PLXNA1: variants seen among roughly 807,000 people sequenced by gnomAD.
The protein encoded by PLXNA1 is plexin-A1.
Under a neutral mutation model 191.7 loss-of-function variants are expected in PLXNA1, and 77 were observed. The observed-to-expected ratio is 0.40, with a 90% CI of 0.33 to 0.49. PLXNA1 has a LOEUF of 0.49. PLXNA1 is among the 20% of genes least tolerant of loss of function. PLXNA1 has a pLI of 0.63. For synonymous variants in PLXNA1, 1,137 were observed against 1,156.4 expected (o/e 0.98, Z 0.34); for missense variants, 2,110 against 2,660.2 (o/e 0.79, Z 4.55).
chr3:127,029,886 G>A lies in PLXNA1; in HGVS notation c.4883G>A (p.Arg1628His), dbSNP rs1265186462. ...CCTGGTGCTGCAGAGAGCATGCTGCGCACGGCCAGCAGCCCCGACAGCCTG... is the reference window on the plus strand; with the variant it reads ...CCTGGTGCTGCAGAGAGCATGCTGCACACGGCCAGCAGCCCCGACAGCCTG... ...KSLSRYESML[R>H]TASSPDSLRS... is the part of the protein sequence containing the mutation. The change falls in exon 28 of 32, where the codon CGC (arginine) becomes CAC (histidine). Residue 1628 changes from arginine to histidine, a missense_variant. By Grantham distance (29) the Arg-to-His change is conservative. Transcript: ENST00000393409. The A allele has an allele frequency of 6.8e-6, 11 of 1,609,452 alleles. No homozygotes were observed. Among genetic ancestry groups the A allele is most frequent in the Middle Eastern group, 1.7e-4 (1 of 6,018 alleles).
At chr3:126,997,708 G>A (rs2079020824) in intron 3 of PLXNA1, among the ~76,000 whole-genome samples, 1 of 152,270 alleles carries the variant, frequency 6.6e-6, no homozygotes, top group South Asian at 2.1e-4. Context: ...TGTTTGCCCT[G>A]TGGGCATGAT....
In PLXNA1 at chr3:127,033,961, C is replaced by G. The variant is rs754288921; in HGVS notation, c.5635C>G (p.Gln1879Glu). 2 of 1,606,088 alleles carry G rather than the reference C, an allele frequency of 1.2e-6. No individual in the cohort carries two copies. Among genetic ancestry groups the G allele is most frequent in the South Asian group, 2.2e-5 (2 of 89,076 alleles). The stretch of plus-strand genomic sequence containing the variant: ...GGAGAAGGATGAGCAGGCGCGGCGG[C>G]AGCGGCTGCGGAGCAAGCTGGAGCA... ...ALEKDEQARR[Q>E]RLRSKLEQVV... The change falls in exon 32 of 32, where the codon CAG becomes GAG. Residue 1879 changes from glutamine (Q) to glutamate (E), a missense_variant. Around this residue, in one of 4 missense-constraint regions of PLXNA1, gnomAD observed 559 missense variants for 911.5 expected, o/e 0.61. Coordinates refer to ENST00000393409, the MANE Select transcript of PLXNA1 (RefSeq NM_032242.4).
intron 26 of PLXNA1, 108 bp from the exon 27 acceptor site, chr3:127,029,332 T>G: frequency 9.3e-7 from 1 of 1,071,424 alleles, no homozygotes; most frequent in South Asian, 1.3e-5. Flanking sequence ...GGTGGCTGCC[T>G]CCAGGCACAG....
chr3:126,989,692 GAGA>G lies in PLXNA1; in HGVS notation c.1103_1105del (p.Lys368del). 4 of 1,613,146 alleles carry G rather than the reference GAGA, an allele frequency of 2.5e-6. No homozygotes were observed. The highest frequency in any genetic ancestry group is 3.4e-6 in the Non-Finnish European group (4 of 1,180,032). On this transcript the variant is annotated inframe_deletion, in exon 2 of 32. Transcript: ENST00000393409. ...CCTGTTCACGCTCAGGGCCATCAAG[GAGA>G]AGATTAAGGAGCGCATCCAGTCCTG...
Position 127,012,114 on chromosome 3 carries a change from G to A in PLXNA1, c.2269G>A (p.Ala757Thr), listed in dbSNP as rs893786919. The A allele has an allele frequency of 4.3e-6, 7 of 1,613,240 alleles. No homozygotes were observed. The highest frequency in any genetic ancestry group is 2.2e-5 in the South Asian group (2 of 91,070). ...HIPGSPARVT[A>T]LRFNSSSLQC... ...CCCGGGCAGCCCGGCCCGTGTCACC[G>A]CCCTGCGCTTCAACAGCTCCAGCCT... Residue 757 changes from alanine (A) to threonine (T), a missense_variant, in exon 10 of 32, where the codon GCC becomes ACC. Physicochemically the swap from Ala to Thr is moderately conservative, Grantham distance 58. This residue lies in a region of PLXNA1 where 644 missense variants were observed against 714.3 expected (regional missense o/e 0.90). Transcript: ENST00000393409.
intron 3 of PLXNA1, among the ~76,000 whole-genome samples, chr3:126,991,966 T>C (rs2078993130): frequency 6.6e-6 from 1 of 152,150 alleles, no homozygotes; most frequent in Non-Finnish European, 1.5e-5. Flanking sequence ...CAGTGTCTGC[T>C]GCCTCAGCAC....
At position 127,003,356 on chromosome 3, in the gene PLXNA1, T is replaced by C. The variant is rs2079049893; in HGVS notation, c.1404T>C (p.Gly468=). ...RKILVDLSNP[G]GRPALAYESV... ...TCCTGGTGGACCTCTCAAACCCCGG[T>C]GGCCGGCCTGCCCTGGCCTACGAGA... Residue 468 remains glycine (G), a synonymous_variant, in exon 4 of 32, where the codon GGT becomes GGC. Coordinates refer to ENST00000393409, the MANE Select transcript of PLXNA1 (RefSeq NM_032242.4). 6.8e-6 allele frequency: 11 copies of C among 1,607,992 alleles called. No homozygotes were observed. Among genetic ancestry groups the C allele is most frequent in the Non-Finnish European group, 8.5e-6 (10 of 1,176,442 alleles).
chr3:127,001,756 G>A (rs1171159659), intron 3 of PLXNA1, among the ~76,000 whole-genome samples: 5 of 152,212 alleles, frequency 3.3e-5, no homozygotes, highest in African/African-American at 9.6e-5. Flanking sequence ...TGGCCACCCT[G>A]GGTCCCCCTG....
At chr3:127,020,473 C>A in intron 21 of PLXNA1, 129 bp downstream of exon 21, 1 of 1,197,110 alleles carries the variant, frequency 8.4e-7, no homozygotes, top group Non-Finnish European at 1.2e-6. Context: ...TCCAGGCCTG[C>A]AGGGCTCTGG....
chr3:127,025,709 C>T lies in PLXNA1; in HGVS notation c.4363-2231C>T, dbSNP rs140982795. Among the ~76,000 whole-genome samples, 1,081 of 152,336 alleles carry T rather than the reference C, an allele frequency of 7.1e-3. 12 individuals are homozygous for T. Among genetic ancestry groups the T allele is most frequent in the African/African-American group, 0.025 (1,028 of 41,566 alleles). The stretch of plus-strand genomic sequence containing the variant: ...TGGAATCATGCATTGTTTGTCCTTT[C>T]GTGGCTGGCTTAATTTCATCAGCTT... On this transcript the variant is annotated intron_variant, in intron 23 of 31. Coordinates refer to ENST00000393409, the MANE Select transcript of PLXNA1 (RefSeq NM_032242.4).
Position 127,001,319 on chromosome 3 carries a change from T to C in PLXNA1, c.1378-2011T>C, listed in dbSNP as rs539398663. Among the ~76,000 whole-genome samples the C allele has an allele frequency of 4.4e-4, 67 of 151,924 alleles. 1 individual carries two copies. In the East Asian group the frequency reaches 0.012, roughly 28 times the overall value. ...GGGCCAGGGTCAGGCTCCGGCATCA[T>C]GTGGCCCTGGCTGTTGGGGAGGTGG... is the stretch of plus-strand genomic sequence containing the variant. On this transcript the variant is annotated intron_variant, in intron 3 of 31. Coordinates refer to ENST00000393409, the MANE Select transcript of PLXNA1 (RefSeq NM_032242.4).
intron 25 of PLXNA1, 179 bp from the exon 26 acceptor site, chr3:127,028,814 G>T: frequency 3.3e-6 from 2 of 599,418 alleles, no homozygotes; most frequent in Middle Eastern, 4.4e-4. Context: ...GATTGGGAGG[G>T]CTGTGGCACA....
At chr3:127,032,621 C>CG (rs1304315755) in intron 30 of PLXNA1, 22 bp downstream of exon 30, 1 of 1,589,172 alleles carries the variant, frequency 6.3e-7, no homozygotes, top group Non-Finnish European at 8.6e-7. Flanking sequence ...GTGCAGGGGT[C>CG]GGGGGCAGGG....
In PLXNA1 at chr3:127,013,221, C is replaced by T. The variant is rs539949602; in HGVS notation, c.2314-799C>T. Among the ~76,000 whole-genome samples, 144 of 152,356 alleles carry T rather than the reference C, an allele frequency of 9.5e-4. 1 individual carries two copies. The highest frequency in any genetic ancestry group is 3.4e-3 in the African/African-American group (140 of 41,582). On this transcript the variant is annotated intron_variant, in intron 10 of 31. Transcript: ENST00000393409. ...CATTTCTGTTCTATCACCAACTCTT[C>T]GCCTGCCCTGCACTTTCCACCTGCG...
intron 15 of PLXNA1, among the ~76,000 whole-genome samples, chr3:127,015,608 G>A (rs532139419): frequency 6.6e-6 from 1 of 152,324 alleles, no homozygotes; most frequent in East Asian, 1.9e-4. Context: ...AAAATAAGAA[G>A]TATTTTTTAA....
chr3:127,016,982 C>A lies in PLXNA1; in HGVS notation c.3221C>A (p.Ala1074Asp), dbSNP rs754985073. 1 of 1,613,452 alleles carries A rather than the reference C, an allele frequency of 6.2e-7. No individual in the cohort carries two copies. Among genetic ancestry groups the A allele is most frequent in the South Asian group, 1.1e-5 (1 of 91,080 alleles). ...TLLTVTGTNLATVREPRIRAK... is the reference protein window; with the variant it reads ...TLLTVTGTNLDTVREPRIRAK... The stretch of plus-strand genomic sequence containing the variant: ...CTGACGGTCACAGGCACCAACCTGG[C>A]CACTGTCCGTGAACCCCGAATCCGG... Residue 1074 changes from alanine (A) to aspartate (D), a missense_variant, in exon 17 of 32, where the codon GCC (alanine) becomes GAC (aspartate). Transcript: ENST00000393409.
Position 127,034,419 on chromosome 3 carries a change from G to A in PLXNA1, c.*402G>A, listed in dbSNP as rs185493570. ...CTGTCCCCTTGAGACCAGGACAAGA[G>A]GCTGGGGGTGTCAGCATTCCCAGCT... is the stretch of plus-strand genomic sequence containing the variant. On this transcript the variant is annotated 3_prime_UTR_variant, in exon 32 of 32. Transcript: ENST00000393409. 3.8e-4 allele frequency: 63 copies of A among 166,560 alleles called. No homozygotes were observed. The highest frequency in any genetic ancestry group is 7.6e-4 in the Non-Finnish European group (59 of 77,710). 10.3% of individuals were successfully genotyped at this position (166,560 alleles called of 1,614,324 possible).
chr3:127,032,899 C>T (rs1254964639), intron 31 of PLXNA1, 63 bp downstream of exon 31: 2 of 1,528,994 alleles, frequency 1.3e-6, no homozygotes, highest in Non-Finnish European at 1.8e-6. Context: ...CCAGAGTCAC[C>T]TGCTCTGCCC....
At chr3:127,012,301 G>A (rs2079100034) in intron 10 of PLXNA1, 143 bp downstream of exon 10, 2 of 853,898 alleles carry the variant, frequency 2.3e-6, no homozygotes, top group Non-Finnish European at 3.6e-6. Context: ...AGCCACTCCT[G>A]GCTTCCCCAG....
Sources: allele counts gnomAD v4.1 joint callset (sites outside exome capture counted in the v4.1 genomes callset), GRCh38; gene constraint gnomAD v4.1.1; regional missense constraint gnomAD v4.1.1; transcripts MANE v1.5; gene names NCBI Gene and HGNC (gene_info 2026-07-23, HGNC 2026-07-21).